The following PHF11 variants were observed in gnomAD, a reference collection of about 807,000 sequenced individuals.
PHF11 encodes PHD finger protein 11.
A neutral mutation model predicts 40.5 loss-of-function variants in PHF11; 38 were observed. That is an observed-to-expected ratio of 0.94 (90% CI 0.72 to 1.23). The LOEUF (loss-of-function observed/expected upper bound fraction) is 1.23, where lower values mean the gene tolerates loss of function less well. Ranked by LOEUF, PHF11 falls within the 50% of genes most tolerant of loss-of-function variation. The pLI is 0.00. For missense variants in PHF11, 369 were observed against 392.4 expected (o/e 0.94, Z 0.50); for synonymous variants, 127 against 138.2 (o/e 0.92, Z 0.57).
In PHF11 at chr13:49,528,882, A is replaced by C. The variant is rs1046014602; in HGVS notation, c.*217A>C. On this transcript the variant is annotated 3_prime_UTR_variant, in exon 10 of 10. Transcript: ENST00000378319. The stretch of plus-strand genomic sequence containing the variant: ...TCCCAGCACCTAGTATGCTCAGTAA[A>C]TGTTTGTGGAATAAGTGCATAAAAT... 1 of 434,710 alleles carries C rather than the reference A, an allele frequency of 2.3e-6. No individual in the cohort carries two copies. The highest frequency in any genetic ancestry group is 4.1e-6 in the Non-Finnish European group (1 of 245,880). 26.9% of individuals were successfully genotyped at this position (434,710 alleles called of 1,614,324 possible). A position where few individuals can be genotyped will look rare whatever the true frequency, so the allele number is the denominator to read the frequency against.
chr13:49,526,156 G>A, intron 8 of PHF11: 1 of 463,888 alleles, frequency 2.2e-6, no homozygotes, highest in Non-Finnish European at 3.8e-6. Flanking sequence ...GCAACAGGGT[G>A]AGATTCTGTC....
intron 3 of PHF11, among the ~76,000 whole-genome samples, chr13:49,515,082 G>T (rs936306061): frequency 3.9e-5 from 6 of 152,130 alleles, no homozygotes; most frequent in African/African-American, 1.4e-4. Flanking sequence ...AATATTTGGG[G>T]GAAAGCAGGT....
chr13:49,508,214 A>G (rs1037224359), intron 2 of PHF11, among the ~76,000 whole-genome samples: 3 of 147,492 alleles, frequency 2.0e-5, no homozygotes, highest in Non-Finnish European at 4.5e-5. Flanking sequence ...TTAATGTGTT[A>G]TGTATTAATA....
At chr13:49,501,113 A>C (rs541308880) in intron 1 of PHF11, among the ~76,000 whole-genome samples, 1 of 148,160 alleles carries the variant, frequency 6.7e-6, no homozygotes, top group South Asian at 2.1e-4. Flanking sequence ...TCCCAGATTC[A>C]AGCGATTCTC....
chr13:49,516,745 C>T (rs577174485), intron 3 of PHF11, among the ~76,000 whole-genome samples: 11 of 151,804 alleles, frequency 7.2e-5, no homozygotes, highest in African/African-American at 1.2e-4. Context: ...CACTATGCCC[C>T]GCTGATTTTT....
chr13:49,501,497 C>G (rs1302309498), intron 1 of PHF11, among the ~76,000 whole-genome samples: 3 of 152,050 alleles, frequency 2.0e-5, no homozygotes, highest in African/African-American at 7.3e-5. Context: ...AACATATATT[C>G]TAAAACATTG....
chr13:49,517,751 A>G (rs1336176907), intron 3 of PHF11, among the ~76,000 whole-genome samples: 1 of 152,182 alleles, frequency 6.6e-6, no homozygotes, highest in East Asian at 1.9e-4. Flanking sequence ...TTTTTTTGAA[A>G]CAAAAAGCAT....
At chr13:49,523,038 C>T in intron 6 of PHF11, 137 bp from the exon 7 acceptor site, 1 of 693,502 alleles carries the variant, frequency 1.4e-6, no homozygotes, top group African/African-American at 1.8e-5. Flanking sequence ...GCTGAGATTA[C>T]AGGCGTGAGA....
chr13:49,497,294 C>A, intron 1 of PHF11: 1 of 786,348 alleles, frequency 1.3e-6, no homozygotes, highest in Non-Finnish European at 1.9e-6. Flanking sequence ...TCTTCCATTT[C>A]TGAAATGATC....
chr13:49,511,573 C>T (rs1410528091), intron 2 of PHF11, among the ~76,000 whole-genome samples: 1 of 152,162 alleles, frequency 6.6e-6, no homozygotes, highest in East Asian at 1.9e-4. Context: ...GGTGATCCAC[C>T]TGCCTTGGTC....
intron 9 of PHF11, among the ~76,000 whole-genome samples, chr13:49,528,207 C>T (rs1217202133): frequency 3.3e-5 from 5 of 152,204 alleles, no homozygotes; most frequent in African/African-American, 1.2e-4. Flanking sequence ...GAAGGTTATA[C>T]AGTCACTGTT....
At chr13:49,496,145 G>C (rs949380065) in intron 1 of PHF11, 50 bp downstream of exon 1, 6 of 1,066,554 alleles carry the variant, frequency 5.6e-6, no homozygotes, top group Middle Eastern at 6.9e-4. Flanking sequence ...GGGCAGCGAC[G>C]GGCCCGGTCA....
At chr13:49,524,634 C>G (rs1959218437) in intron 8 of PHF11, among the ~76,000 whole-genome samples, 1 of 152,092 alleles carries the variant, frequency 6.6e-6, no homozygotes, top group African/African-American at 2.4e-5. Context: ...GCCACTACGC[C>G]TGGCTAATTT....
chr13:49,515,304 T>G (rs771934484), intron 3 of PHF11, among the ~76,000 whole-genome samples: 3 of 152,014 alleles, frequency 2.0e-5, no homozygotes, highest in Non-Finnish European at 4.4e-5. Context: ...GTATTTTCAG[T>G]AAGCTGGGCA....
intron 9 of PHF11, among the ~76,000 whole-genome samples, 168 bp downstream of exon 9, chr13:49,526,626 C>T (rs1324054158): frequency 1.3e-5 from 2 of 151,172 alleles, no homozygotes; most frequent in Non-Finnish European, 3.0e-5. Context: ...CACCTGCCCA[C>T]ACACACAGGA....
chr13:49,504,826 A>G lies in PHF11; in HGVS notation c.95-1809A>G, dbSNP rs1393781322. 6.0e-5 allele frequency among the ~76,000 whole-genome samples: 9 copies of G among 150,472 alleles called. No homozygotes were observed. The East Asian group carries it at 1.4e-3, about 23-fold the overall frequency. On this transcript the variant is annotated intron_variant, in intron 1 of 9. Coordinates refer to ENST00000378319, the MANE Select transcript of PHF11 (RefSeq NM_001040443.3). ...AATCGGATGGTTGCCGTGTCTGTGT[A>G]GAAAGAAGTAGACATGGGAGACTTT...
chr13:49,500,159 G>T (rs957546374), intron 1 of PHF11, among the ~76,000 whole-genome samples: 2 of 152,162 alleles, frequency 1.3e-5, no homozygotes, highest in African/African-American at 4.8e-5. Flanking sequence ...TTGGCTCTCA[G>T]TTTCATTTGT....
intron 2 of PHF11, among the ~76,000 whole-genome samples, chr13:49,507,270 C>A (rs558618203): frequency 2.0e-5 from 3 of 152,216 alleles, no homozygotes; most frequent in African/African-American, 4.8e-5. Flanking sequence ...ACTGATAGAC[C>A]TTCTACCCAG....
chr13:49,526,256 C>A (rs1959271147), intron 8 of PHF11, 131 bp from the exon 9 acceptor site: 4 of 635,516 alleles, frequency 6.3e-6, no homozygotes. Context: ...GCTGCTGTTG[C>A]CATCTAACAT....
Sources: allele counts gnomAD v4.1 joint callset (sites outside exome capture counted in the v4.1 genomes callset), GRCh38; gene constraint gnomAD v4.1.1; transcripts MANE v1.5; gene names NCBI Gene and HGNC (gene_info 2026-07-23, HGNC 2026-07-21).